The following FAT3 variants were observed in gnomAD, a reference collection of about 807,000 sequenced individuals.
FAT3 encodes the protein protocadherin Fat 3.
A neutral mutation model predicts 310.2 loss-of-function variants in FAT3; 95 were observed. That is an observed-to-expected ratio of 0.31 (90% CI 0.26 to 0.36). FAT3 has a LOEUF of 0.36. Ranked by LOEUF, FAT3 falls within the 10% of genes least tolerant of loss-of-function variation. The pLI, the probability that FAT3 is intolerant of heterozygous loss-of-function variation, is 1.00. For synonymous variants in FAT3, 2,314 were observed against 2,192.9 expected (o/e 1.06, Z -1.54); for missense variants, 5,408 against 5,715.6 (o/e 0.95, Z 1.74).
At chr11:92,610,735 C>A (rs919217055) in intron 3 of FAT3, among the ~76,000 whole-genome samples, 6 of 152,078 alleles carry the variant, frequency 3.9e-5, no homozygotes, top group East Asian at 1.9e-4. Context: ...TTAAATATTT[C>A]TTTAGTGTTT....
intron 9 of FAT3, 74 bp from the exon 10 acceptor site, chr11:92,797,762 T>C: frequency 7.6e-7 from 1 of 1,312,018 alleles, no homozygotes; most frequent in Non-Finnish European, 1.1e-6. Flanking sequence ...AAGGTACCTA[T>C]AGATAAAGAG....
chr11:92,314,170 C>T, intron 1 of FAT3: 1 of 324,138 alleles, frequency 3.1e-6, no homozygotes, highest in Non-Finnish European at 4.4e-6. Flanking sequence ...AAAGTGAAGA[C>T]TACAAAAGAT....
At chr11:92,869,845 C>T (rs924598571) in intron 22 of FAT3, among the ~76,000 whole-genome samples, 1 of 152,084 alleles carries the variant, frequency 6.6e-6, no homozygotes, top group Non-Finnish European at 1.5e-5. Flanking sequence ...CCTCTGGCTG[C>T]CAGGGAAGTC....
intron 3 of FAT3, among the ~76,000 whole-genome samples, chr11:92,553,225 A>G (rs909635717): frequency 3.9e-5 from 6 of 152,122 alleles, no homozygotes; most frequent in African/African-American, 1.4e-4. Context: ...TCAATTCTTT[A>G]CTCTTAGATC....
At chr11:92,741,481 G>A (rs962421342) in intron 4 of FAT3, among the ~76,000 whole-genome samples, 1 of 152,186 alleles carries the variant, frequency 6.6e-6, no homozygotes, top group Non-Finnish European at 1.5e-5. Context: ...CTAAACATGT[G>A]TGTCTCACAT....
chr11:92,348,389 G>A (rs1173335413), intron 1 of FAT3, among the ~76,000 whole-genome samples: 1 of 152,146 alleles, frequency 6.6e-6, no homozygotes, highest in Non-Finnish European at 1.5e-5. Context: ...CTATGCAAAA[G>A]CACCAATTTT....
chr11:92,862,664 C>T (rs990470620), intron 21 of FAT3, among the ~76,000 whole-genome samples: 1 of 152,152 alleles, frequency 6.6e-6, no homozygotes, highest in African/African-American at 2.4e-5. Context: ...AAAAGAGTAA[C>T]AAGGAAGCTC....
In FAT3 at chr11:92,731,435, G is replaced by A. The variant is rs137891016; in HGVS notation, c.3670-30421G>A. Reference sequence around the variant, plus strand: ...AATACTGCCCTTGTTGAGAAATATGGACCTAGATCAACACCACCCATCTTT... The same window carrying A: ...AATACTGCCCTTGTTGAGAAATATGAACCTAGATCAACACCACCCATCTTT... On this transcript the variant is annotated intron_variant, in intron 4 of 27. Transcript: ENST00000525166. Among the ~76,000 whole-genome samples, 687 of 150,868 alleles carry A rather than the reference G, an allele frequency of 4.6e-3. 4 individuals are homozygous for A. Among genetic ancestry groups the A allele is most frequent in the African/African-American group, 0.016 (658 of 41,024 alleles).
intron 2 of FAT3, among the ~76,000 whole-genome samples, chr11:92,429,583 A>C (rs933988428): frequency 1.5e-4 from 23 of 152,156 alleles, no homozygotes; most frequent in Non-Finnish European, 2.9e-4. Context: ...TGGTGGTAAC[A>C]AGATCCCTCA....
intron 3 of FAT3, among the ~76,000 whole-genome samples, chr11:92,537,155 A>G (rs1258616251): frequency 1.3e-5 from 2 of 152,068 alleles, no homozygotes; most frequent in Admixed American, 6.6e-5. Context: ...CCTAACCCTG[A>G]GCGGGAGCTG....
intron 3 of FAT3, among the ~76,000 whole-genome samples, chr11:92,686,354 G>A (rs973144667): frequency 1.3e-5 from 2 of 152,184 alleles, no homozygotes; most frequent in African/African-American, 4.8e-5. Flanking sequence ...TACATAGGCT[G>A]TTTGCAATTA....
chr11:92,481,309 T>A (rs575421171), intron 2 of FAT3, among the ~76,000 whole-genome samples: 1 of 123,632 alleles, frequency 8.1e-6, no homozygotes, highest in African/African-American at 3.2e-5. Context: ...CCTCTTTATA[T>A]TATTTATTGG....
intron 24 of FAT3, among the ~76,000 whole-genome samples, chr11:92,886,609 A>T (rs530289636): frequency 6.6e-6 from 1 of 152,358 alleles, no homozygotes; most frequent in Admixed American, 6.5e-5. Context: ...TTTAAAAGTT[A>T]TCTCATTTAA....
At position 92,255,340 on chromosome 11, in the gene FAT3, T is replaced by TAA. The variant is rs200782534; in HGVS notation, c.-18+30166_-18+30167insAA. Among the ~76,000 whole-genome samples the TAA allele has an allele frequency of 3.0e-3, 449 of 148,960 alleles. 1 individual carries two copies. The highest frequency in any genetic ancestry group is 4.6e-3 in the Non-Finnish European group (309 of 67,330). ...TAATTTTTTATTTTAGGGTTTTTTT[T>TAA]TAAAAAAAAAAAAAAGGAAAAACTC... is the stretch of plus-strand genomic sequence containing the variant. On this transcript the variant is annotated intron_variant, in intron 1 of 27. Coordinates refer to ENST00000525166, the MANE Select transcript of FAT3 (RefSeq NM_001367949.2).
At chr11:92,521,296 A>G (rs1462085445) in intron 2 of FAT3, among the ~76,000 whole-genome samples, 1 of 152,146 alleles carries the variant, frequency 6.6e-6, no homozygotes, top group African/African-American at 2.4e-5. Context: ...GTTCCCCAAA[A>G]AGGCCAGATA....
At chr11:92,624,852 G>A (rs1941252386) in intron 3 of FAT3, among the ~76,000 whole-genome samples, 1 of 152,148 alleles carries the variant, frequency 6.6e-6, no homozygotes, top group African/African-American at 2.4e-5. Context: ...CTTCTTCTGA[G>A]GACTCTGAGA....
At chr11:92,436,820 G>C (rs934387067) in intron 2 of FAT3, among the ~76,000 whole-genome samples, 4 of 152,098 alleles carry the variant, frequency 2.6e-5, no homozygotes, top group Admixed American at 2.6e-4. Context: ...TTTGCTTCCT[G>C]AGTACAAGCC....
chr11:92,797,959 C>T lies in FAT3; in HGVS notation c.4946C>T (p.Pro1649Leu), dbSNP rs375193261. The T allele has an allele frequency of 2.9e-5, 47 of 1,613,744 alleles. No homozygotes were observed. The highest frequency in any genetic ancestry group is 1.6e-4 in the East Asian group (7 of 44,860). ...ATCAAAGTCACAGATCAGGGATCCCCGCCAATGTCTGCTACTGCAATTGTG... is the reference window on the plus strand; with the variant it reads ...ATCAAAGTCACAGATCAGGGATCCCTGCCAATGTCTGCTACTGCAATTGTG... ...LSIKVTDQGS[P>L]PMSATAIVRI... is the part of the protein sequence containing the mutation. Residue 1649 changes from proline to leucine, a missense_variant, in exon 10 of 28, where the codon CCG becomes CTG. This residue lies in a region of FAT3 where 4,588 missense variants were observed against 4,809.8 expected (regional missense o/e 0.95). Transcript: ENST00000525166.
intron 3 of FAT3, among the ~76,000 whole-genome samples, chr11:92,664,075 A>G (rs1293128835): frequency 1.3e-5 from 2 of 152,120 alleles, no homozygotes; most frequent in African/African-American, 4.8e-5. Context: ...CCAGGTGTAT[A>G]TGCTCATTCT....
Sources: gnomAD v4.1 joint callset for allele counts (sites outside exome capture counted in the v4.1 genomes callset) on GRCh38, gnomAD v4.1.1 for gene constraint, gnomAD v4.1.1 regional missense constraint, MANE v1.5 for transcripts, NCBI Gene and HGNC (gene_info 2026-07-23, HGNC 2026-07-21) for gene names.